Variants in TBC1D5 observed in about 807,000 individuals in gnomAD.
TBC1D5 encodes TBC1 domain family member 5.
A neutral mutation model predicts 100.3 loss-of-function variants in TBC1D5; 75 were observed. The ratio of observed to expected loss-of-function variants is 0.75; its 90% CI spans 0.62 to 0.91. TBC1D5 has a LOEUF of 0.91. Among genes scored for constraint, TBC1D5 ranks in the 40% least tolerant of loss-of-function variants. TBC1D5 has a pLI of 0.00. For synonymous variants in TBC1D5, 323 were observed against 325.6 expected, an observed-to-expected ratio of 0.99 and a Z score of 0.09; for missense variants, 910 against 942.4, an observed-to-expected ratio of 0.97 and a Z score of 0.45.
At chr3:17,398,929 T>C (rs1446504113) in intron 8 of TBC1D5, among the ~76,000 whole-genome samples, 4 of 152,098 alleles carry the variant, frequency 2.6e-5, no homozygotes, top group Non-Finnish European at 2.9e-5. Flanking sequence ...GAAAATTCTA[T>C]AGAACACAGA....
intron 1 of TBC1D5, among the ~76,000 whole-genome samples, chr3:17,634,434 G>A (rs922249753): frequency 1.3e-4 from 20 of 152,128 alleles, no homozygotes; most frequent in African/African-American, 4.3e-4. Context: ...CAACATGGGT[G>A]GAACTGGAGG....
chr3:17,264,034 C>T (rs1192576030), intron 15 of TBC1D5, among the ~76,000 whole-genome samples: 1 of 152,058 alleles, frequency 6.6e-6, no homozygotes, highest in Non-Finnish European at 1.5e-5. Context: ...GTGAACAACT[C>T]CCCTTGGCCA....
chr3:17,433,325 A>G (rs760509442), intron 3 of TBC1D5, among the ~76,000 whole-genome samples: 14 of 152,220 alleles, frequency 9.2e-5, no homozygotes, highest in Non-Finnish European at 1.8e-4. Flanking sequence ...AGACTGGGTA[A>G]TTTAAAAAGG....
intron 1 of TBC1D5, among the ~76,000 whole-genome samples, chr3:17,695,626 T>TA (rs778135164): frequency 6.4e-4 from 97 of 152,280 alleles, no homozygotes; most frequent in Non-Finnish European, 1.2e-3. Context: ...CAAAGAGACT[T>TA]AGACTCCCAC....
chr3:17,533,494 C>T (rs2096253437), intron 2 of TBC1D5, among the ~76,000 whole-genome samples: 1 of 152,084 alleles, frequency 6.6e-6, no homozygotes, highest in Admixed American at 6.6e-5. Flanking sequence ...GGCACCAACT[C>T]AAACAAACTG....
Position 17,317,878 on chromosome 3 carries a change from T to C in TBC1D5, c.996-9744A>G, listed in dbSNP as rs564991803. 9.2e-5 allele frequency among the ~76,000 whole-genome samples: 14 copies of C among 152,216 alleles called. No homozygotes were observed. In the East Asian group the frequency reaches 2.5e-3, roughly 27 times the overall value. On this transcript the variant is annotated intron_variant, in intron 13 of 21. Transcript: ENST00000253692. ...TTGACCCAGCCATCCCATTACTGGG[T>C]ATATACCCAAAGGATTATAAATCAT...
intron 15 of TBC1D5, among the ~76,000 whole-genome samples, chr3:17,268,622 C>T (rs1008037480): frequency 6.6e-5 from 10 of 151,590 alleles, no homozygotes; most frequent in Non-Finnish European, 1.3e-4. Flanking sequence ...GAACTGTAAT[C>T]GGATAGGAAA....
chr3:17,561,687 G>A (rs1309849478), intron 2 of TBC1D5, among the ~76,000 whole-genome samples: 2 of 151,994 alleles, frequency 1.3e-5, no homozygotes, highest in Non-Finnish European at 2.9e-5. Flanking sequence ...CGAATTTGAA[G>A]ACCTAAATAA....
intron 13 of TBC1D5, among the ~76,000 whole-genome samples, chr3:17,331,443 A>C (rs1363929140): frequency 6.6e-6 from 1 of 152,138 alleles, no homozygotes; most frequent in African/African-American, 2.4e-5. Context: ...GTCTTCTTCT[A>C]CCTATGTTCT....
intron 15 of TBC1D5, among the ~76,000 whole-genome samples, chr3:17,263,134 T>C (rs1167779058): frequency 6.6e-6 from 1 of 151,386 alleles, no homozygotes; most frequent in Non-Finnish European, 1.5e-5. Context: ...TTGAATGCAG[T>C]TTGAGGCTGC....
chr3:17,584,895 T>C (rs1199218178), intron 2 of TBC1D5, among the ~76,000 whole-genome samples: 1 of 152,136 alleles, frequency 6.6e-6, no homozygotes. Flanking sequence ...TGACCTCGTA[T>C]TTCACCCGCC....
intron 14 of TBC1D5, among the ~76,000 whole-genome samples, chr3:17,304,409 G>T (rs529696661): frequency 1.2e-3 from 177 of 152,184 alleles, no homozygotes; most frequent in Admixed American, 1.7e-3. Flanking sequence ...TCTTTTCATA[G>T]ATCTTTTTTT....
chr3:17,471,816 T>C (rs879939681), intron 3 of TBC1D5, among the ~76,000 whole-genome samples: 1 of 151,908 alleles, frequency 6.6e-6, no homozygotes, highest in African/African-American at 2.4e-5. Context: ...TTTCCAAAAA[T>C]TAAAAACAAG....
chr3:17,692,857 C>T (rs1212654994), intron 1 of TBC1D5, among the ~76,000 whole-genome samples: 2 of 152,170 alleles, frequency 1.3e-5, no homozygotes, highest in East Asian at 3.9e-4. Context: ...AGGCCAGGCA[C>T]GGTAGTTCAC....
chr3:17,580,372 C>T (rs2096685943), intron 2 of TBC1D5, among the ~76,000 whole-genome samples: 1 of 152,036 alleles, frequency 6.6e-6, no homozygotes. Flanking sequence ...AGGAGAACTA[C>T]AGAAGAAGCC....
At chr3:17,617,937 T>G (rs926988626) in intron 2 of TBC1D5, among the ~76,000 whole-genome samples, 1 of 152,202 alleles carries the variant, frequency 6.6e-6, no homozygotes, top group African/African-American at 2.4e-5. Context: ...AGCTTTATTC[T>G]GTTGCTGGCA....
chr3:17,596,088 AG>A (rs2060544778), intron 2 of TBC1D5, among the ~76,000 whole-genome samples: 1 of 152,160 alleles, frequency 6.6e-6, no homozygotes, highest in African/African-American at 2.4e-5. Flanking sequence ...GCAGGTCATT[AG>A]GAACAGCTTA....
chr3:17,539,565 T>C (rs1024938975), intron 2 of TBC1D5, among the ~76,000 whole-genome samples: 4 of 152,172 alleles, frequency 2.6e-5, no homozygotes, highest in South Asian at 2.1e-4. Context: ...TGGTGTCTTA[T>C]CGCTACAAAA....
intron 17 of TBC1D5, among the ~76,000 whole-genome samples, chr3:17,219,490 TTC>T (rs1207314276): frequency 2.6e-5 from 4 of 152,018 alleles, no homozygotes; most frequent in East Asian, 1.9e-4. Flanking sequence ...TTTTTTTTTT[TTC>T]CTCATACCTT....
Sources: allele counts gnomAD v4.1 joint callset (sites outside exome capture counted in the v4.1 genomes callset), GRCh38; gene constraint gnomAD v4.1.1; transcripts MANE v1.5; gene names NCBI Gene and HGNC (gene_info 2026-07-23, HGNC 2026-07-21).